The following SGCZ variants were observed in gnomAD, a reference collection of about 807,000 sequenced individuals.
SGCZ encodes the protein sarcoglycan zeta, also known as zeta-sarcoglycan.
Under a neutral mutation model 41.3 loss-of-function variants are expected in SGCZ, and 40 were observed. The ratio of observed to expected loss-of-function variants is 0.97; its 90% CI spans 0.75 to 1.26. SGCZ has a LOEUF of 1.26. Among genes scored for constraint, SGCZ ranks in the 50% most tolerant of loss-of-function variants. The pLI is 0.00. For synonymous variants in SGCZ, 206 were observed against 137.5 expected (o/e 1.50, Z -3.49); for missense variants, 552 against 369.8 (o/e 1.49, Z -4.04).
Position 14,324,138 on chromosome 8 carries a change from G to A in SGCZ, c.301C>T (p.Leu101Phe). 6.2e-7 allele frequency: 1 copy of A among 1,612,892 alleles called. No homozygotes were observed. The highest frequency in any genetic ancestry group is 8.5e-7 in the Non-Finnish European group (1 of 1,179,390). ...IRLEGISEFL[L>F]PLYVKEIHSR... Reference sequence around the variant, plus strand: ...TGAATTTCTTTCACATACAATGGAAGTAGAAACTCAGATATACCTTCAAGT... The same window carrying A: ...TGAATTTCTTTCACATACAATGGAAATAGAAACTCAGATATACCTTCAAGT... Residue 101 changes from leucine (L) to phenylalanine (F), a missense_variant, in exon 3 of 8, where the codon CTT becomes TTT. Leu to Phe is a conservative substitution (Grantham distance 22, BLOSUM62 0). Transcript: ENST00000382080.
intron 1 of SGCZ, among the ~76,000 whole-genome samples, chr8:15,089,061 G>A (rs535349156): frequency 6.6e-6 from 1 of 152,104 alleles, no homozygotes; most frequent in Admixed American, 6.5e-5. Flanking sequence ...TATTAGCAGT[G>A]GAAAAAACGA....
chr8:14,752,104 AAAACAAAAG>A lies in SGCZ; in HGVS notation c.40-197187_40-197179del. Among the ~76,000 whole-genome samples the A allele has an allele frequency of 6.6e-5, 4 of 60,640 alleles. No individual in the cohort carries two copies. In the South Asian group the frequency reaches 1.4e-3, roughly 21 times the overall value. The allele number at this position is 60,640 out of a possible 152,430, so 39.8% of individuals were successfully genotyped here. ...ATTTAGCAACAGAGCCAAAATACCG[AAAACAAAAG>A]AAAACAAAACAAAAAAGCCAAAAAA... On this transcript the variant is annotated intron_variant, in intron 1 of 7. Transcript: ENST00000382080.
At chr8:14,840,017 T>C (rs536958226) in intron 1 of SGCZ, among the ~76,000 whole-genome samples, 58 of 152,246 alleles carry the variant, frequency 3.8e-4, no homozygotes, top group Non-Finnish European at 6.5e-4. Flanking sequence ...TACACCACTT[T>C]ACACTACACC....
intron 1 of SGCZ, among the ~76,000 whole-genome samples, chr8:15,078,181 A>G (rs1478532813): frequency 1.1e-5 from 1 of 93,300 alleles, no homozygotes; most frequent in Non-Finnish European, 1.9e-5. Context: ...TTTTTTGCGT[A>G]ATGAATCCAC....
chr8:14,333,988 T>C (rs1295445173), intron 2 of SGCZ, among the ~76,000 whole-genome samples: 1 of 152,132 alleles, frequency 6.6e-6, no homozygotes, highest in Admixed American at 6.5e-5. Context: ...AAATGTGATC[T>C]GCTTTACGGG....
intron 1 of SGCZ, among the ~76,000 whole-genome samples, chr8:15,235,250 T>C (rs972461122): frequency 6.6e-6 from 1 of 152,174 alleles, no homozygotes; most frequent in African/African-American, 2.4e-5. Flanking sequence ...ACAAACTGTA[T>C]ATATTTCAGA....
At chr8:14,780,106 G>A (rs1365166169) in intron 1 of SGCZ, among the ~76,000 whole-genome samples, 1 of 152,058 alleles carries the variant, frequency 6.6e-6, no homozygotes, top group African/African-American at 2.4e-5. Flanking sequence ...GGGCGCAGTG[G>A]CTCACGCCTG....
chr8:14,661,016 G>T (rs747197360), intron 1 of SGCZ, among the ~76,000 whole-genome samples: 12 of 152,106 alleles, frequency 7.9e-5, no homozygotes, highest in Non-Finnish European at 1.8e-4. Context: ...TGTGACAGCA[G>T]CTATATTTAG....
chr8:14,255,102 CT>C (rs1264336327), intron 3 of SGCZ, among the ~76,000 whole-genome samples: 1 of 152,116 alleles, frequency 6.6e-6, no homozygotes, highest in African/African-American at 2.4e-5. Context: ...TCTCGTCTCC[CT>C]CCCCCTTAAC....
At chr8:14,548,575 C>T (rs1482793290) in intron 2 of SGCZ, among the ~76,000 whole-genome samples, 2 of 152,044 alleles carry the variant, frequency 1.3e-5, no homozygotes, top group African/African-American at 4.8e-5. Context: ...GAGAAATGCA[C>T]ATAACAAAAC....
chr8:14,502,463 A>C (rs145431476), intron 2 of SGCZ, among the ~76,000 whole-genome samples: 6 of 152,296 alleles, frequency 3.9e-5, no homozygotes, highest in South Asian at 4.1e-4. Context: ...TATTTCTCAG[A>C]GTTTGGAATA....
chr8:14,885,968 T>A (rs976569031), intron 1 of SGCZ, among the ~76,000 whole-genome samples: 1 of 127,470 alleles, frequency 7.8e-6, no homozygotes, highest in Non-Finnish European at 1.6e-5. Flanking sequence ...TCTTTTTTAA[T>A]CATAAAGGAC....
At chr8:14,778,017 A>T (rs887060909) in intron 1 of SGCZ, among the ~76,000 whole-genome samples, 2 of 151,986 alleles carry the variant, frequency 1.3e-5, no homozygotes, top group East Asian at 3.9e-4. Context: ...TTCATCTCCC[A>T]GACTTAAGCG....
intron 1 of SGCZ, among the ~76,000 whole-genome samples, chr8:14,618,082 T>A (rs1806163726): frequency 7.4e-6 from 1 of 134,826 alleles, no homozygotes; most frequent in Non-Finnish European, 1.7e-5. Context: ...CCTTTTCATA[T>A]ATCCAACAGA....
chr8:14,164,877 G>T, intron 4 of SGCZ, 175 bp from the exon 5 acceptor site: 4 of 779,268 alleles, frequency 5.1e-6, no homozygotes, highest in Non-Finnish European at 5.9e-6. Flanking sequence ...GCTAATTTGG[G>T]AATGTACTTC....
intron 1 of SGCZ, among the ~76,000 whole-genome samples, chr8:14,799,487 G>C (rs1272614215): frequency 6.6e-6 from 1 of 152,016 alleles, no homozygotes; most frequent in East Asian, 1.9e-4. Context: ...GAAAGATCCA[G>C]TATTAACCAG....
At chr8:14,439,422 T>A (rs1800184220) in intron 2 of SGCZ, among the ~76,000 whole-genome samples, 1 of 150,582 alleles carries the variant, frequency 6.6e-6, no homozygotes, top group Non-Finnish European at 1.5e-5. Context: ...GAGTAAACAT[T>A]CCCCAATTTT....
At chr8:14,431,657 C>A (rs1799945159) in intron 2 of SGCZ, among the ~76,000 whole-genome samples, 1 of 152,114 alleles carries the variant, frequency 6.6e-6, no homozygotes, top group South Asian at 2.1e-4. Context: ...AACCCAAAAT[C>A]AAATGCAATA....
At chr8:14,841,110 A>C (rs1802893091) in intron 1 of SGCZ, among the ~76,000 whole-genome samples, 1 of 148,754 alleles carries the variant, frequency 6.7e-6, no homozygotes, top group Admixed American at 6.8e-5. Flanking sequence ...TTTGAGAAGA[A>C]CAAAAAAAAA....
Sources: allele counts gnomAD v4.1 joint callset (sites outside exome capture counted in the v4.1 genomes callset), GRCh38; gene constraint gnomAD v4.1.1; transcripts MANE v1.5; gene names NCBI Gene and HGNC (gene_info 2026-07-23, HGNC 2026-07-21).